The following SNX9 variants were observed in gnomAD, a reference collection of about 807,000 sequenced individuals.
The protein encoded by SNX9 is sorting nexin 9, also known as sorting nexin-9.
A neutral mutation model predicts 89.4 loss-of-function variants in SNX9; 44 were observed. The ratio of observed to expected loss-of-function variants is 0.49; its 90% confidence interval spans 0.39 to 0.63. The LOEUF (loss-of-function observed/expected upper bound fraction) is 0.63. Ranked by LOEUF, SNX9 falls within the 30% of genes least tolerant of loss-of-function variation. The probability of loss-of-function intolerance (pLI) is 0.00; values close to 1 mark genes in which losing one functional copy is unlikely to be tolerated. For synonymous variants in SNX9, 236 were observed against 247.8 expected (o/e 0.95, Z 0.45); for missense variants, 578 against 736.1 (o/e 0.79, Z 2.49).
chr6:157,940,541 C>T (rs896789101), intron 16 of SNX9, among the ~76,000 whole-genome samples: 1 of 152,196 alleles, frequency 6.6e-6, no homozygotes, highest in African/African-American at 2.4e-5. Flanking sequence ...CCTCGGCCTC[C>T]CAAGTAGCTG....
Position 157,896,978 on chromosome 6 carries a change from C to CTCA in SNX9, c.452_453insTCA (p.Pro151_Gln152insHis). The CTCA allele has an allele frequency of 6.2e-7, 1 of 1,603,940 alleles. No individual in the cohort carries two copies. Among genetic ancestry groups the CTCA allele is most frequent in the Admixed American group, 1.8e-5 (1 of 56,466 alleles). The stretch of plus-strand genomic sequence containing the variant: ...AACTGGGACACTGCCTTCGGCCACC[C>CTCA]CCAGGCCTACCAAGGACCAGGTGAG... On this transcript the variant is annotated inframe_insertion, in exon 5 of 18. Coordinates refer to ENST00000392185, the MANE Select transcript of SNX9 (RefSeq NM_016224.5).
chr6:157,942,985 G>A lies in SNX9; in HGVS notation c.*147G>A. On this transcript the variant is annotated 3_prime_UTR_variant, in exon 18 of 18. Transcript: ENST00000392185. ...GCAAAAAACTGCATTTATTTTATTA[G>A]CCACCCTAAATGCGTCAGTTATTTA... The A allele has an allele frequency of 2.8e-6, 2 of 717,030 alleles. No homozygotes were observed. The highest frequency in any genetic ancestry group is 3.3e-5 in the Admixed American group (1 of 30,414). 44.4% of individuals were successfully genotyped at this position (717,030 alleles called of 1,614,324 possible).
At chr6:157,901,627 G>A (rs753654078) in intron 5 of SNX9, among the ~76,000 whole-genome samples, 12 of 151,924 alleles carry the variant, frequency 7.9e-5, no homozygotes, top group Non-Finnish European at 7.4e-5. Flanking sequence ...CTCGGTGCCC[G>A]TGTCAAAAAT....
chr6:157,826,879 A>ATATATAAATATATATTATAGTTTATATAT (rs1781365234), intron 1 of SNX9, among the ~76,000 whole-genome samples: 1 of 96,220 alleles, frequency 1.0e-5, no homozygotes, highest in African/African-American at 5.4e-5. Flanking sequence ...AGTTTATATA[A>ATATATAAATATATATTATAGTTTATATAT]TATATAAATA....
chr6:157,901,879 C>A lies in SNX9; in HGVS notation c.473-19C>A. 6.6e-7 allele frequency: 1 copy of A among 1,523,652 alleles called. No homozygotes were observed. The highest frequency in any genetic ancestry group is 8.8e-7 in the Non-Finnish European group (1 of 1,140,118). The allele number at this position is 1,523,652 out of a possible 1,614,324, so 94.4% of individuals were successfully genotyped here. On this transcript the variant is annotated intron_variant, in intron 5 of 17. Transcript: ENST00000392185. ...CTTTTTTTTTTTTTTAACTGATGAT[C>A]TTCCATTTTCACCTCTAGCAACTGG...
intron 1 of SNX9, among the ~76,000 whole-genome samples, chr6:157,856,141 A>C (rs1782007335): frequency 6.6e-6 from 1 of 152,220 alleles, no homozygotes. Flanking sequence ...CTCCCTGTAA[A>C]AGACTTGTCG....
chr6:157,867,782 CATG>C lies in SNX9; in HGVS notation c.99+152_99+154del, dbSNP rs2115134874. ...TTTGTAAGTTAATCATTCAAACCCA[CATG>C]ATTTTTTTCCTGTTGCTTATGAAAT... On this transcript the variant is annotated intron_variant, in intron 2 of 17. Transcript: ENST00000392185. The C allele has an allele frequency of 9.2e-6, 6 of 655,724 alleles. No homozygotes were observed. In the East Asian group the frequency reaches 1.8e-4, roughly 19 times the overall value. The allele number at this position is 655,724 out of a possible 1,614,324, so 40.6% of individuals were successfully genotyped here.
intron 13 of SNX9, among the ~76,000 whole-genome samples, chr6:157,934,437 A>T (rs765234062): frequency 1.2e-4 from 19 of 152,204 alleles, no homozygotes; most frequent in Non-Finnish European, 2.5e-4. Context: ...AAAAATTTCT[A>T]ATCAAAAGCA....
At position 157,899,960 on chromosome 6, in the gene SNX9, A is replaced by G. The variant is rs541266191; in HGVS notation, c.473-1938A>G. On this transcript the variant is annotated intron_variant, in intron 5 of 17. Transcript: ENST00000392185. ...GGGTGTGTGTGTGGTAAGAGCACCT[A>G]AAATCTCCCTCAGCAGGTTTCCCAA... is the stretch of plus-strand genomic sequence containing the variant. Among the ~76,000 whole-genome samples, 4 of 152,048 alleles carry G rather than the reference A, an allele frequency of 2.6e-5. No individual in the cohort carries two copies. In the South Asian group the frequency reaches 8.3e-4, roughly 32 times the overall value.
chr6:157,940,104 C>T (rs972590726), intron 16 of SNX9, among the ~76,000 whole-genome samples: 38 of 152,174 alleles, frequency 2.5e-4, no homozygotes, highest in African/African-American at 7.7e-4. Flanking sequence ...CAAGGCTTCC[C>T]GTACTGAAGA....
At chr6:157,913,029 C>T (rs1020814915) in intron 9 of SNX9, among the ~76,000 whole-genome samples, 2 of 152,110 alleles carry the variant, frequency 1.3e-5, no homozygotes, top group Non-Finnish European at 2.9e-5. Flanking sequence ...AAATTTCAAC[C>T]AATGATAGGA....
chr6:157,878,697 A>G (rs935989087), intron 4 of SNX9, among the ~76,000 whole-genome samples: 2 of 152,084 alleles, frequency 1.3e-5, no homozygotes, highest in African/African-American at 4.8e-5. Flanking sequence ...TCCCAATTGC[A>G]TCCGGCCTAT....
chr6:157,868,193 G>A (rs1204921138), intron 2 of SNX9, among the ~76,000 whole-genome samples: 1 of 152,176 alleles, frequency 6.6e-6, no homozygotes, highest in Non-Finnish European at 1.5e-5. Flanking sequence ...AGTTCTCTTT[G>A]CTGAATTACA....
At chr6:157,887,443 G>T (rs2115153602) in intron 4 of SNX9, among the ~76,000 whole-genome samples, 2 of 152,266 alleles carry the variant, frequency 1.3e-5, no homozygotes, top group South Asian at 4.1e-4. Flanking sequence ...GTCCTCTGCA[G>T]TCTCCAGAGC....
intron 14 of SNX9, among the ~76,000 whole-genome samples, chr6:157,936,296 C>T (rs1048040271): frequency 6.6e-6 from 1 of 152,116 alleles, no homozygotes. Context: ...GAGGCCAAGG[C>T]GGGTGAATCT....
chr6:157,891,940 G>A (rs1365296666), intron 4 of SNX9, among the ~76,000 whole-genome samples: 1 of 152,228 alleles, frequency 6.6e-6, no homozygotes, highest in African/African-American at 2.4e-5. Flanking sequence ...AGGCAAAGTT[G>A]AGACCTGTGC....
intron 1 of SNX9, among the ~76,000 whole-genome samples, chr6:157,825,550 A>G (rs1008717162): frequency 2.0e-5 from 3 of 151,394 alleles, no homozygotes; most frequent in Non-Finnish European, 4.4e-5. Context: ...AGGACTTCCT[A>G]CTTCGTTATC....
At chr6:157,928,833 C>A (rs1438561436) in intron 12 of SNX9, 131 bp downstream of exon 12, 2 of 624,310 alleles carry the variant, frequency 3.2e-6, no homozygotes, top group Non-Finnish European at 5.0e-6. Flanking sequence ...AATGTCCCTC[C>A]TGTGATTCTG....
At chr6:157,932,379 T>A in intron 13 of SNX9, 107 bp downstream of exon 13, 4 of 987,002 alleles carry the variant, frequency 4.1e-6, no homozygotes, top group Non-Finnish European at 6.3e-6. Flanking sequence ...AGCACCCTGG[T>A]TGTGGGTGTG....
Sources: gnomAD v4.1 joint callset for allele counts (sites outside exome capture counted in the v4.1 genomes callset) on GRCh38, gnomAD v4.1.1 for gene constraint, MANE v1.5 for transcripts, NCBI Gene and HGNC (gene_info 2026-07-23, HGNC 2026-07-21) for gene names.